UNC13B: variants seen among roughly 807,000 people sequenced by gnomAD.
The protein encoded by UNC13B is protein unc-13 homolog B.
Under a neutral mutation model 211.0 loss-of-function variants are expected in UNC13B, and 144 were observed. That is an observed-to-expected ratio of 0.68 (90% CI 0.60 to 0.78). UNC13B has a LOEUF of 0.78. Among genes scored for constraint, UNC13B ranks in the 30% least tolerant of loss-of-function variants. The pLI, the probability that UNC13B is intolerant of heterozygous loss-of-function variation, is 0.00. For synonymous variants in UNC13B, 709 were observed against 725.8 expected (o/e 0.98, Z 0.37); for missense variants, 1,777 against 2,002.0 (o/e 0.89, Z 2.14).
At chr9:35,220,779 T>C (rs560915949) in intron 1 of UNC13B, among the ~76,000 whole-genome samples, 1 of 152,282 alleles carries the variant, frequency 6.6e-6, no homozygotes, top group South Asian at 2.1e-4. Flanking sequence ...ATACCTAGCA[T>C]TGGGATTGCA....
intron 26 of UNC13B, among the ~76,000 whole-genome samples, chr9:35,394,969 T>C (rs1835777250): frequency 6.6e-6 from 1 of 152,104 alleles, no homozygotes; most frequent in South Asian, 2.1e-4. Context: ...AACTTGAAGG[T>C]CCCTAAAAGA....
chr9:35,328,598 CCCTTCCTTCCTT>C (rs34586347), intron 11 of UNC13B, among the ~76,000 whole-genome samples: 5,040 of 98,658 alleles, frequency 0.051, 255 homozygotes, highest in South Asian at 0.064. Flanking sequence ...CTGAATTGTC[CCCTTCCTTCCTT>C]CCTTCCTTCC....
At chr9:35,363,192 C>T (rs1292015339) in intron 11 of UNC13B, among the ~76,000 whole-genome samples, 2 of 152,132 alleles carry the variant, frequency 1.3e-5, no homozygotes, top group East Asian at 1.9e-4. Context: ...CATGGAGAGC[C>T]GTGACGGCTC....
chr9:35,380,390 C>T, intron 17 of UNC13B, 80 bp from the exon 18 acceptor site: 1 of 1,489,916 alleles, frequency 6.7e-7, no homozygotes, highest in South Asian at 1.3e-5. Flanking sequence ...GCTGTCGGAG[C>T]TTTTGGGAGG....
At position 35,403,484 on chromosome 9, in the gene UNC13B, C is replaced by A; in HGVS notation, c.12622C>A (p.Arg4208=). The A allele has an allele frequency of 6.2e-7, 1 of 1,614,024 alleles. No individual in the cohort carries two copies. The highest frequency in any genetic ancestry group is 8.5e-7 in the Non-Finnish European group (1 of 1,180,014). Residue 4208 remains arginine (R), a synonymous_variant, in exon 39 of 40, where the codon CGG becomes AGG. Coordinates refer to ENST00000635942, the MANE Select transcript of UNC13B (RefSeq NM_001371189.2). ...CAAGTGGCAGACAGCGGGTATGTTC[C>A]GGCCTTTCGTGGAGGTGACTATGGT... ...DLKWQTAGMF[R]PFVEVTMVGP...
Position 35,300,150 on chromosome 9 carries a change from C to A in UNC13B, c.762-16C>A, listed in dbSNP as rs1367907614. On this transcript the variant is annotated splice_polypyrimidine_tract_variant and intron_variant, in intron 8 of 39. Transcript: ENST00000635942. ...TTCTCTACTGAGTTTAAGGTTGAAA[C>A]TTCTGTTTTCTCCAGGTATGCTCAG... The A allele has an allele frequency of 2.5e-6, 1 of 398,620 alleles. No individual in the cohort carries two copies. Among genetic ancestry groups the A allele is most frequent in the African/African-American group, 2.1e-5 (1 of 48,604 alleles). 24.7% of individuals were successfully genotyped at this position (398,620 alleles called of 1,614,324 possible).
chr9:35,190,877 G>A (rs945186852), intron 1 of UNC13B, among the ~76,000 whole-genome samples: 4 of 152,150 alleles, frequency 2.6e-5, no homozygotes, highest in Non-Finnish European at 5.9e-5. Flanking sequence ...TTCAGCTTTT[G>A]AATGTCACAA....
chr9:35,213,043 G>A (rs1357158435), intron 1 of UNC13B, among the ~76,000 whole-genome samples: 1 of 152,216 alleles, frequency 6.6e-6, no homozygotes, highest in Non-Finnish European at 1.5e-5. Flanking sequence ...TATAGGTTAA[G>A]TTAAATGGAA....
chr9:35,237,915 C>T (rs574712853), intron 5 of UNC13B, 89 bp downstream of exon 5: 1 of 1,330,388 alleles, frequency 7.5e-7, no homozygotes, highest in African/African-American at 1.5e-5. Context: ...ATTTTGTCAC[C>T]TCAGCCATCT....
intron 5 of UNC13B, among the ~76,000 whole-genome samples, chr9:35,241,913 G>A (rs1825834841): frequency 6.6e-6 from 1 of 152,186 alleles, no homozygotes; most frequent in Non-Finnish European, 1.5e-5. Context: ...GCTAGTTGAA[G>A]GGAAGGAGCT....
At chr9:35,310,420 C>G in intron 9 of UNC13B, 47 bp from the exon 10 acceptor site, 1 of 1,578,928 alleles carries the variant, frequency 6.3e-7, no homozygotes, top group Non-Finnish European at 8.7e-7. Flanking sequence ...TTGTCCTGGT[C>G]CCTGATTGCA....
intron 7 of UNC13B, among the ~76,000 whole-genome samples, chr9:35,267,498 A>G (rs1222887056): frequency 6.6e-6 from 1 of 152,220 alleles, no homozygotes; most frequent in Non-Finnish European, 1.5e-5. Context: ...ACACTGCAGT[A>G]TCTTATTCAC....
chr9:35,192,133 G>A (rs1237088284), intron 1 of UNC13B, among the ~76,000 whole-genome samples: 1 of 152,094 alleles, frequency 6.6e-6, no homozygotes, highest in African/African-American at 2.4e-5. Context: ...TCAACTCTAA[G>A]CCAAGCATTT....
chr9:35,257,322 TA>T (rs1171240388), intron 6 of UNC13B, among the ~76,000 whole-genome samples: 2 of 138,602 alleles, frequency 1.4e-5, no homozygotes, highest in East Asian at 2.0e-4. Flanking sequence ...TAAATATTTA[TA>T]AAAATATTTA....
intron 1 of UNC13B, among the ~76,000 whole-genome samples, chr9:35,203,745 C>T (rs959754668): frequency 2.6e-5 from 4 of 152,130 alleles, no homozygotes; most frequent in African/African-American, 7.2e-5. Context: ...AAGGAAATGA[C>T]CTGAAACTGG....
At chr9:35,395,450 C>T (rs1328291445) in intron 26 of UNC13B, among the ~76,000 whole-genome samples, 2 of 152,152 alleles carry the variant, frequency 1.3e-5, no homozygotes, top group African/African-American at 4.8e-5. Flanking sequence ...TTCACAAGGG[C>T]CAGCTGCCCC....
chr9:35,194,910 C>T (rs1416394597), intron 1 of UNC13B, among the ~76,000 whole-genome samples: 3 of 152,184 alleles, frequency 2.0e-5, no homozygotes, highest in Admixed American at 6.5e-5. Context: ...AAACAGCTCT[C>T]TCTCTAGTGT....
chr9:35,210,502 G>T (rs1278222242), intron 1 of UNC13B, among the ~76,000 whole-genome samples: 4 of 146,722 alleles, frequency 2.7e-5, no homozygotes, highest in Admixed American at 1.4e-4. Context: ...TGAAATTATT[G>T]TAAACCATTC....
chr9:35,204,179 T>C (rs1425220603), intron 1 of UNC13B, among the ~76,000 whole-genome samples: 2 of 152,240 alleles, frequency 1.3e-5, no homozygotes, highest in African/African-American at 2.4e-5. Flanking sequence ...GTGTTAAGCC[T>C]GTGGATGCAC....
Sources: gnomAD v4.1 joint callset for allele counts (sites outside exome capture counted in the v4.1 genomes callset) on GRCh38, gnomAD v4.1.1 for gene constraint, MANE v1.5 for transcripts, NCBI Gene and HGNC (gene_info 2026-07-23, HGNC 2026-07-21) for gene names.